JAK2: variants seen among roughly 807,000 people sequenced by gnomAD.
The protein encoded by JAK2 is tyrosine-protein kinase JAK2.
In JAK2, 86 loss-of-function variants were observed where a neutral mutation model predicts 139.3. The observed-to-expected ratio is 0.62, with a 90% CI of 0.52 to 0.74. The LOEUF is 0.74. Ranked by LOEUF, JAK2 falls within the 30% of genes least tolerant of loss-of-function variation. The pLI, the probability that JAK2 is intolerant of heterozygous loss-of-function variation, is 0.00. For synonymous variants in JAK2, 490 were observed against 437.7 expected, an observed-to-expected ratio of 1.12 and a Z score of -1.49; for missense variants, 1,421 against 1,360.3, an observed-to-expected ratio of 1.04 and a Z score of -0.70.
At chr9:5,011,970 A>T (rs1382782804) in intron 2 of JAK2, among the ~76,000 whole-genome samples, 1 of 152,192 alleles carries the variant, frequency 6.6e-6, no homozygotes, top group Non-Finnish European at 1.5e-5. Flanking sequence ...ACTCTCCAGG[A>T]CCAGATAGCT....
At chr9:5,015,285 G>A (rs1175711114) in intron 2 of JAK2, among the ~76,000 whole-genome samples, 3 of 152,280 alleles carry the variant, frequency 2.0e-5, no homozygotes, top group South Asian at 2.1e-4. Context: ...GTAACTAGAC[G>A]TAGAATTGTA....
chr9:5,043,734 T>C (rs568131551), intron 4 of JAK2, among the ~76,000 whole-genome samples: 1 of 152,360 alleles, frequency 6.6e-6, no homozygotes, highest in East Asian at 1.9e-4. Context: ...GAAAAAGTGG[T>C]ATATTCATAC....
At chr9:5,069,795 AT>A in intron 11 of JAK2, 129 bp from the exon 12 acceptor site, 1 of 453,496 alleles carries the variant, frequency 2.2e-6, no homozygotes, top group African/African-American at 2.0e-5. Flanking sequence ...ATTTTCTATT[AT>A]AAAAAAAGAA....
chr9:5,024,647 T>C (rs1050307541), intron 3 of JAK2, among the ~76,000 whole-genome samples: 6 of 152,100 alleles, frequency 3.9e-5, no homozygotes, highest in Non-Finnish European at 7.4e-5. Context: ...TCTGTTTTGG[T>C]TTTCAGTGTG....
intron 21 of JAK2, 43 bp from the exon 22 acceptor site, chr9:5,090,696 T>C: frequency 6.4e-7 from 1 of 1,551,442 alleles, no homozygotes; most frequent in Non-Finnish European, 8.7e-7. Context: ...TTAAATTGTT[T>C]ATATTTATAA....
intron 4 of JAK2, among the ~76,000 whole-genome samples, chr9:5,034,048 C>A (rs1050594165): frequency 2.0e-5 from 3 of 152,136 alleles, no homozygotes; most frequent in African/African-American, 7.2e-5. Context: ...GGAGGAACAT[C>A]TACCAAGCAA....
chr9:5,107,557 G>C (rs749198661), intron 22 of JAK2, among the ~76,000 whole-genome samples: 18 of 152,230 alleles, frequency 1.2e-4, no homozygotes, highest in East Asian at 1.9e-4. Flanking sequence ...AAAAGGGTTA[G>C]ATTGAATTGA....
Position 5,064,913 on chromosome 9 carries a change from T to A in JAK2, c.1087T>A (p.Leu363Met). 1 of 1,594,030 alleles carries A rather than the reference T, an allele frequency of 6.3e-7. No homozygotes were observed. Among genetic ancestry groups the A allele is most frequent in the Middle Eastern group, 1.7e-4 (1 of 5,974 alleles). ...TGAACTTAGCTCATTAAGGGAAGCT[T>A]TGTCTTTCGTGTCATTAATTGATGG... Reference protein sequence around the residue: ...EIELSSLREALSFVSLIDGYY... With the variant: ...EIELSSLREAMSFVSLIDGYY... The change falls in exon 9 of 25, where the codon TTG becomes ATG. Residue 363 changes from leucine to methionine, a missense_variant. Leu to Met is a conservative substitution (Grantham distance 15, BLOSUM62 2). Coordinates refer to ENST00000381652, the MANE Select transcript of JAK2 (RefSeq NM_004972.4).
chr9:5,077,794 C>G (rs1278858250), intron 15 of JAK2, among the ~76,000 whole-genome samples: 2 of 152,160 alleles, frequency 1.3e-5, no homozygotes, highest in African/African-American at 4.8e-5. Context: ...CCATCAATAT[C>G]TTAGAACTAC....
At chr9:5,036,751 T>G (rs894288961) in intron 4 of JAK2, among the ~76,000 whole-genome samples, 10 of 152,088 alleles carry the variant, frequency 6.6e-5, no homozygotes, top group African/African-American at 9.7e-5. Flanking sequence ...CCTAAAACCA[T>G]AAAAACCCTA....
intron 13 of JAK2, among the ~76,000 whole-genome samples, chr9:5,073,396 ACTT>A (rs745927993): frequency 6.6e-5 from 10 of 152,236 alleles, no homozygotes; most frequent in Admixed American, 1.3e-4. Context: ...CTCTAGTTGT[ACTT>A]CTGTCCTCTA....
intron 2 of JAK2, among the ~76,000 whole-genome samples, chr9:5,004,504 A>G (rs1168972000): frequency 6.6e-6 from 1 of 152,174 alleles, no homozygotes; most frequent in African/African-American, 2.4e-5. Flanking sequence ...TCTATTGTGT[A>G]CATATGCTGT....
chr9:4,985,664 G>GA (rs1819906218), intron 1 of JAK2, 34 bp downstream of exon 1: 1 of 152,576 alleles, frequency 6.6e-6, no homozygotes, highest in Non-Finnish European at 1.5e-5. Context: ...TCTGGGTGGG[G>GA]GGCAGCAGCT....
At chr9:5,068,165 A>G (rs376865194) in intron 10 of JAK2, among the ~76,000 whole-genome samples, 1 of 101,362 alleles carries the variant, frequency 9.9e-6, no homozygotes, top group Non-Finnish European at 1.9e-5. Context: ...TCTCAAAAAA[A>G]AACAACAACA....
intron 18 of JAK2, 41 bp downstream of exon 18, chr9:5,080,724 T>A: frequency 7.0e-7 from 1 of 1,429,574 alleles, no homozygotes; most frequent in African/African-American, 1.5e-5. Flanking sequence ...CAGCTTTCTA[T>A]CTTTATTGTA....
At chr9:5,085,795 G>A (rs1820049579) in intron 19 of JAK2, 3 of 754,934 alleles carry the variant, frequency 4.0e-6, no homozygotes, top group Admixed American at 3.5e-5. Context: ...TTACATGCTC[G>A]GGCCATTAGT....
At chr9:5,125,746 CTA>C (rs1490840041) in intron 23 of JAK2, among the ~76,000 whole-genome samples, 2 of 151,316 alleles carry the variant, frequency 1.3e-5, no homozygotes, top group African/African-American at 4.8e-5. Context: ...ATGTGGTTGA[CTA>C]TATATTTGTT....
At chr9:5,092,890 A>G (rs186324087) in intron 22 of JAK2, among the ~76,000 whole-genome samples, 1 of 152,296 alleles carries the variant, frequency 6.6e-6, no homozygotes, top group Admixed American at 6.5e-5. Flanking sequence ...CTGTTAATCT[A>G]AAGAGGGACA....
chr9:5,072,887 A>T (rs1819064870), intron 13 of JAK2, among the ~76,000 whole-genome samples: 1 of 152,056 alleles, frequency 6.6e-6, no homozygotes, highest in Non-Finnish European at 1.5e-5. Context: ...TGTGGCCTTG[A>T]TTTTCAAACT....
Sources: allele counts gnomAD v4.1 joint callset (sites outside exome capture counted in the v4.1 genomes callset), GRCh38; gene constraint gnomAD v4.1.1; transcripts MANE v1.5; gene names NCBI Gene and HGNC (gene_info 2026-07-23, HGNC 2026-07-21).